The following AKNAD1 variants were observed in gnomAD, a reference collection of about 807,000 sequenced individuals.
The protein encoded by AKNAD1 is AKNA domain containing 1.
In AKNAD1, 67 loss-of-function variants were observed where a neutral mutation model predicts 90.8. The observed-to-expected ratio is 0.74, with a 90% CI of 0.61 to 0.90. The LOEUF (loss-of-function observed/expected upper bound fraction) is 0.90, where lower values mean the gene tolerates loss of function less well. Among genes scored for constraint, AKNAD1 ranks in the 40% least tolerant of loss-of-function variants. The probability of loss-of-function intolerance (pLI) is 0.00; values close to 1 mark genes in which losing one functional copy is unlikely to be tolerated. For missense variants in AKNAD1, 957 were observed against 975.4 expected (o/e 0.98, Z 0.25); for synonymous variants, 327 against 341.4 (o/e 0.96, Z 0.46).
rs1664165152 is a variant in AKNAD1 at position 108,830,635 on chromosome 1, T to C, written c.1762A>G (p.Thr588Ala). ...SSNSGEDPNG[T>A]PRRQDCAEMT... ...TCTGCACAATCCTGCCTTCTTGGAG[T>C]GCCGTTGGGATCCTCCTGCGCCACA... Residue 588 changes from threonine to alanine, a missense_variant, in exon 10 of 16, where the codon ACT becomes GCT. By Grantham distance (58) the Thr-to-Ala change is moderately conservative. Transcript: ENST00000370001. 1.2e-6 allele frequency: 2 copies of C among 1,613,774 alleles called. No individual in the cohort carries two copies. The highest frequency in any genetic ancestry group is 1.7e-6 in the Non-Finnish European group (2 of 1,179,994).
At chr1:108,823,745 A>C in intron 11 of AKNAD1, 57 bp from the exon 12 acceptor site, 1 of 1,612,302 alleles carries the variant, frequency 6.2e-7, no homozygotes, top group Admixed American at 1.7e-5. Context: ...TAGTCATAAA[A>C]TACGGTGTGG....
intron 10 of AKNAD1, among the ~76,000 whole-genome samples, chr1:108,828,347 T>C (rs1286681061): frequency 2.0e-5 from 3 of 151,726 alleles, no homozygotes; most frequent in African/African-American, 7.2e-5. Context: ...GGAGCCTTCC[T>C]GTGGCCCACC....
chr1:108,856,540 GA>G (rs71069609), intron 1 of AKNAD1, among the ~76,000 whole-genome samples: 21 of 149,184 alleles, frequency 1.4e-4, no homozygotes, highest in East Asian at 7.9e-4. Flanking sequence ...TCTCTACAAA[GA>G]AAAAAAAAAT....
intron 5 of AKNAD1, among the ~76,000 whole-genome samples, chr1:108,844,939 C>T (rs972544950): frequency 5.9e-5 from 9 of 151,992 alleles, no homozygotes; most frequent in Non-Finnish European, 1.3e-4. Context: ...CTGCCTCAGC[C>T]TTCCAAGTAG....
Position 108,824,847 on chromosome 1 carries a change from A to C in AKNAD1, c.1937-1159T>G, listed in dbSNP as rs189577902. Among the ~76,000 whole-genome samples, 90 of 151,460 alleles carry C rather than the reference A, an allele frequency of 5.9e-4. 5 individuals are homozygous for C. In the East Asian group the frequency reaches 0.017, roughly 29 times the overall value. On this transcript the variant is annotated intron_variant, in intron 11 of 15. Coordinates refer to ENST00000370001, the MANE Select transcript of AKNAD1 (RefSeq NM_152763.5). ...ACATAAGCCACCACACCCAACTGAC[A>C]CTCTTTAAAATGTAGAGCCTAATTC...
intron 11 of AKNAD1, 63 bp from the exon 12 acceptor site, chr1:108,823,751 T>C: frequency 1.2e-6 from 2 of 1,609,152 alleles, no homozygotes; most frequent in East Asian, 2.2e-5. Flanking sequence ...TAAAATACGG[T>C]GTGGAGAGCA....
intron 6 of AKNAD1, among the ~76,000 whole-genome samples, chr1:108,839,164 C>G (rs1664461525): frequency 6.6e-6 from 1 of 152,076 alleles, no homozygotes; most frequent in Non-Finnish European, 1.5e-5. Flanking sequence ...ACAGATAAGT[C>G]CTATATTATT....
At chr1:108,849,625 A>T in intron 2 of AKNAD1, 49 bp from the exon 3 acceptor site, 1 of 1,312,800 alleles carries the variant, frequency 7.6e-7, no homozygotes, top group South Asian at 1.2e-5. Context: ...TTGATCAATG[A>T]CACCACCGTT....
rs562625458 is a variant in AKNAD1, at chr1:108,821,679, A to C, written c.2168-1053T>G. 5.3e-5 allele frequency among the ~76,000 whole-genome samples: 8 copies of C among 152,318 alleles called. No individual in the cohort carries two copies. In the South Asian group the frequency reaches 1.4e-3, roughly 28 times the overall value. ...ATTCTAGGAGTAGAAATTAATGATT[A>C]TGTTACAAAGACAATTCCAGAAAAT... On this transcript the variant is annotated intron_variant, in intron 13 of 15. Coordinates refer to ENST00000370001, the MANE Select transcript of AKNAD1 (RefSeq NM_152763.5).
intron 9 of AKNAD1, 54 bp from the exon 10 acceptor site, chr1:108,830,704 C>T (rs892513954): frequency 7.2e-5 from 112 of 1,556,862 alleles, no homozygotes; most frequent in African/African-American, 1.9e-4. Context: ...ACTCACGCCG[C>T]GGCTGCACAC....
rs757430718 is a variant in AKNAD1 at position 108,837,568 on chromosome 1, G to C, written c.1518C>G (p.Phe506Leu). The C allele has an allele frequency of 6.2e-7, 1 of 1,614,122 alleles. No homozygotes were observed. The highest frequency in any genetic ancestry group is 1.7e-5 in the Admixed American group (1 of 60,022). The change falls in exon 7 of 16, where the codon TTC (phenylalanine) becomes TTG (leucine). Residue 506 changes from phenylalanine to leucine, a missense_variant. Phe to Leu is a conservative substitution (Grantham distance 22). Coordinates refer to ENST00000370001, the MANE Select transcript of AKNAD1 (RefSeq NM_152763.5). Reference sequence around the variant, plus strand: ...GTATTACCTCATTTGAGAGTGAAGAGAAGGTGGAGGCCAAGTCATCCAGGG... The same window carrying C: ...GTATTACCTCATTTGAGAGTGAAGACAAGGTGGAGGCCAAGTCATCCAGGG... ...PVTLDDLAST[F>L]SSLSNEIPKE...
intron 5 of AKNAD1, among the ~76,000 whole-genome samples, chr1:108,848,525 G>C (rs1326647266): frequency 1.3e-5 from 2 of 152,118 alleles, no homozygotes; most frequent in African/African-American, 4.8e-5. Context: ...ACCTGGCAAG[G>C]AGTAATAGCC....
chr1:108,849,912 C>T (rs529300864), intron 2 of AKNAD1, among the ~76,000 whole-genome samples: 1 of 152,144 alleles, frequency 6.6e-6, no homozygotes, highest in Admixed American at 6.5e-5. Flanking sequence ...CCTGTTATCA[C>T]CATTGTGTTT....
At chr1:108,816,869 C>T (rs1349898518) in intron 15 of AKNAD1, 179 bp downstream of exon 15, 3 of 649,584 alleles carry the variant, frequency 4.6e-6, no homozygotes, top group Non-Finnish European at 7.5e-6. Context: ...TAGAATAATA[C>T]AAACCTTGCG....
chr1:108,854,902 C>A (rs1664986649), intron 1 of AKNAD1, among the ~76,000 whole-genome samples: 1 of 152,074 alleles, frequency 6.6e-6, no homozygotes, highest in Non-Finnish European at 1.5e-5. Context: ...GTCTCGGTTG[C>A]CTTTTCTGAG....
At chr1:108,853,136 C>CTTTTTTCTTTTTTTTT (rs1398505027) in intron 1 of AKNAD1, among the ~76,000 whole-genome samples, 1 of 133,546 alleles carries the variant, frequency 7.5e-6, no homozygotes, top group East Asian at 2.1e-4. Flanking sequence ...TTTCTTTTTT[C>CTTTTTTCTTTTTTTTT]TTTTTTTTTT....
chr1:108,850,194 AAC>A (rs1664808828), intron 2 of AKNAD1, among the ~76,000 whole-genome samples: 2 of 152,234 alleles, frequency 1.3e-5, no homozygotes, highest in African/African-American at 4.8e-5. Context: ...CTTTGTTCCC[AAC>A]ACATAAAGCT....
chr1:108,839,476 A>AAAAAAAG (rs1454635672), intron 6 of AKNAD1, among the ~76,000 whole-genome samples: 1 of 151,632 alleles, frequency 6.6e-6, no homozygotes, highest in Non-Finnish European at 1.5e-5. Context: ...CTCAATAAAA[A>AAAAAAAG]AAAAAAGAAA....
intron 6 of AKNAD1, among the ~76,000 whole-genome samples, chr1:108,839,021 A>G (rs528291062): frequency 3.3e-5 from 5 of 152,338 alleles, no homozygotes; most frequent in Admixed American, 6.5e-5. Context: ...AATGTAATTT[A>G]TAACAGTTTG....
Sources: gnomAD v4.1 joint callset for allele counts (sites outside exome capture counted in the v4.1 genomes callset) on GRCh38, gnomAD v4.1.1 for gene constraint, MANE v1.5 for transcripts, NCBI Gene and HGNC (gene_info 2026-07-23, HGNC 2026-07-21) for gene names.